The following AP3B2 variants were observed in gnomAD, a reference collection of about 807,000 sequenced individuals.
AP3B2 encodes AP-3 complex subunit beta-2.
A neutral mutation model predicts 126.9 loss-of-function variants in AP3B2; 50 were observed. That is an observed-to-expected ratio of 0.39 (90% CI 0.31 to 0.50). The LOEUF is 0.50. Ranked by LOEUF, AP3B2 falls within the 20% of genes least tolerant of loss-of-function variation. The pLI is 0.79. For missense variants in AP3B2, 1,177 were observed against 1,426.4 expected (o/e 0.83, Z 2.82); for synonymous variants, 541 against 565.0 (o/e 0.96, Z 0.60).
Position 82,709,608 on chromosome 15 carries a change from G to GGA in AP3B2, c.97_98dup (p.Ser34ProfsTer10). ...GGCTCCCTCACCGCTTGTAGTCGGAGGAGAAGATGCCGCCGCTCGCGGGGT... is the reference window on the plus strand; with the variant it reads ...GGCTCCCTCACCGCTTGTAGTCGGAGGAGAGAAGATGCCGCCGCTCGCGGGGT... On this transcript the variant is annotated frameshift_variant, in exon 1 of 27. Transcript: ENST00000535359. LOFTEE classifies it high-confidence loss of function. 6.6e-7 allele frequency: 1 copy of GGA among 1,512,314 alleles called. No individual in the cohort carries two copies. The highest frequency in any genetic ancestry group is 8.8e-7 in the Non-Finnish European group (1 of 1,131,798). 93.7% of individuals were successfully genotyped at this position (1,512,314 alleles called of 1,614,324 possible).
At chr15:82,663,402 G>A (rs770518772) in intron 21 of AP3B2, 158 bp downstream of exon 21, 2 of 1,011,210 alleles carry the variant, frequency 2.0e-6, no homozygotes, top group East Asian at 2.6e-5. Context: ...CAGACCTGGG[G>A]AGGTCAGCCC....
chr15:82,695,839 C>T (rs1396533003), intron 1 of AP3B2, among the ~76,000 whole-genome samples: 1 of 152,180 alleles, frequency 6.6e-6, no homozygotes, highest in African/African-American at 2.4e-5. Context: ...TCTTGTGGCA[C>T]TGAGCCCTTA....
In AP3B2 at chr15:82,664,476, TCTCAGA is replaced by T; in HGVS notation, c.2146_2151del (p.Glu719_Ser720del). The stretch of plus-strand genomic sequence containing the variant: ...CTGCTGCTCTTACTGTCCGATTCAC[TCTCAGA>T]CTCAGGGTCTGTGGAGGAACAATAT... On this transcript the variant is annotated inframe_deletion, in exon 19 of 27. Transcript: ENST00000535359. This position sits in a 1 kb window ranked among gnomAD's most constrained non-coding sequence, Gnocchi z 4.5. 1.2e-6 allele frequency: 2 copies of T among 1,613,566 alleles called. No individual in the cohort carries two copies. Among genetic ancestry groups the T allele is most frequent in the Non-Finnish European group, 1.7e-6 (2 of 1,179,746 alleles).
chr15:82,695,816 AAGCAGAG>A (rs756713831), intron 1 of AP3B2, among the ~76,000 whole-genome samples: 25 of 152,184 alleles, frequency 1.6e-4, no homozygotes, highest in Non-Finnish European at 3.2e-4. Flanking sequence ...TTGGCATCTG[AAGCAGAG>A]AGCAGTCTTG....
At chr15:82,682,829 G>A (rs967362081) in intron 4 of AP3B2, among the ~76,000 whole-genome samples, 1 of 151,682 alleles carries the variant, frequency 6.6e-6, no homozygotes, top group Non-Finnish European at 1.5e-5. Flanking sequence ...GCTTGTGCCT[G>A]TAATCCCAAC....
At chr15:82,671,954 G>T (rs950107483) in intron 14 of AP3B2, among the ~76,000 whole-genome samples, 2 of 152,042 alleles carry the variant, frequency 1.3e-5, no homozygotes, top group African/African-American at 2.4e-5. Context: ...TGAGGCAGGA[G>T]AATCGTTTGA....
chr15:82,698,981 G>A (rs1470348012), intron 1 of AP3B2, among the ~76,000 whole-genome samples: 1 of 152,110 alleles, frequency 6.6e-6, no homozygotes, highest in Non-Finnish European at 1.5e-5. Flanking sequence ...AGGTGAGACC[G>A]CCCTGGGCCT....
chr15:82,663,250 G>A lies in AP3B2; in HGVS notation c.2498-17C>T. 6.3e-7 allele frequency: 1 copy of A among 1,595,510 alleles called. No individual in the cohort carries two copies. The highest frequency in any genetic ancestry group is 8.6e-7 in the Non-Finnish European group (1 of 1,166,006). On this transcript the variant is annotated splice_polypyrimidine_tract_variant and intron_variant, in intron 21 of 26. Transcript: ENST00000535359. ...GAGGGGTGACTGTGGGAGTAGATAA[G>A]ACTATGAGGAGGCAAAGTGGAGGTG...
intron 1 of AP3B2, chr15:82,697,782 GA>G (rs1462462800): frequency 6.7e-6 from 1 of 148,280 alleles, no homozygotes; most frequent in Non-Finnish European, 1.5e-5. Context: ...CACCTGGGGG[GA>G]TGCCCCCCAA....
chr15:82,680,828 C>G lies in AP3B2; in HGVS notation c.771+9G>C, dbSNP rs780087125. Reference sequence around the variant, plus strand: ...TTCGGCCCGCTCTGCCTGGGCTGGGCCCACTTACGTTCTGGGTGGGGCTCA... The same window carrying G: ...TTCGGCCCGCTCTGCCTGGGCTGGGGCCACTTACGTTCTGGGTGGGGCTCA... On this transcript the variant is annotated intron_variant, in intron 7 of 26. Transcript: ENST00000535359. The surrounding 1 kb of genome is among the most constrained non-coding windows in gnomAD (Gnocchi z 6.1). 3.7e-6 allele frequency: 6 copies of G among 1,609,932 alleles called. No homozygotes were observed. The highest frequency in any genetic ancestry group is 5.1e-6 in the Non-Finnish European group (6 of 1,176,398).
chr15:82,694,801 T>C (rs947003128), intron 1 of AP3B2, among the ~76,000 whole-genome samples: 10 of 152,240 alleles, frequency 6.6e-5, no homozygotes, highest in Non-Finnish European at 1.5e-4. Flanking sequence ...GGTTGGTTTC[T>C]TCTATAGCCT....
At position 82,659,297 on chromosome 15, in the gene AP3B2, T is replaced by G; in HGVS notation, c.*263A>C. On this transcript the variant is annotated 3_prime_UTR_variant, in exon 27 of 27. Transcript: ENST00000535359. ...GCCAGCAGCTAGAGAGAAGACATTT[T>G]ATTGAGCCTGCTACATAAATAGCTA... 2.4e-6 allele frequency: 1 copy of G among 412,354 alleles called. No homozygotes were observed. Among genetic ancestry groups the G allele is most frequent in the Non-Finnish European group, 4.4e-6 (1 of 228,926 alleles). 25.5% of individuals were successfully genotyped at this position (412,354 alleles called of 1,614,324 possible).
chr15:82,665,212 C>T lies in AP3B2; in HGVS notation c.2028+35G>A. ...GGGAAGAAGAGGGACACAGACAGGG[C>T]AGGGGAGAGAGCACACGTCACACGA... On this transcript the variant is annotated intron_variant, in intron 17 of 26. Coordinates refer to ENST00000535359, the MANE Select transcript of AP3B2 (RefSeq NM_001278512.2). This position sits in a 1 kb window ranked among gnomAD's most constrained non-coding sequence, Gnocchi z 4.4. 3 of 1,530,890 alleles carry T rather than the reference C, an allele frequency of 2.0e-6. No homozygotes were observed. The highest frequency in any genetic ancestry group is 2.0e-5 in the Admixed American group (1 of 51,032). 94.8% of individuals were successfully genotyped at this position (1,530,890 alleles called of 1,614,324 possible).
Position 82,680,340 on chromosome 15 carries a change from G to C in AP3B2, c.1056-111C>G. 1 of 1,532,502 alleles carries C rather than the reference G, an allele frequency of 6.5e-7. No individual in the cohort carries two copies. The highest frequency in any genetic ancestry group is 8.8e-7 in the Non-Finnish European group (1 of 1,130,558). 94.9% of individuals were successfully genotyped at this position (1,532,502 alleles called of 1,614,324 possible). The stretch of plus-strand genomic sequence containing the variant: ...TGCGGGGAGAGGACCAGTGCGGAGG[G>C]CAGGACTACGGTCAGTGTGGAGCGG... On this transcript the variant is annotated intron_variant, in intron 8 of 26. Transcript: ENST00000535359. This position sits in a 1 kb window ranked among gnomAD's most constrained non-coding sequence, Gnocchi z 6.1.
chr15:82,665,159 T>A lies in AP3B2; in HGVS notation c.2028+88A>T. 7.0e-7 allele frequency: 1 copy of A among 1,418,992 alleles called. No individual in the cohort carries two copies. The highest frequency in any genetic ancestry group is 1.3e-5 in the South Asian group (1 of 79,776). 87.9% of individuals were successfully genotyped at this position (1,418,992 alleles called of 1,614,324 possible). A position where few individuals can be genotyped will look rare whatever the true frequency, so the allele number is the denominator to read the frequency against. Reference sequence around the variant, plus strand: ...GCCAAACCAAGGTGGAAACAGAGTATGGGAAGGCCCAGGAGCACAACACAC... The same window carrying A: ...GCCAAACCAAGGTGGAAACAGAGTAAGGGAAGGCCCAGGAGCACAACACAC... On this transcript the variant is annotated intron_variant, in intron 17 of 26. Transcript: ENST00000535359. This position sits in a 1 kb window ranked among gnomAD's most constrained non-coding sequence, Gnocchi z 4.4.
chr15:82,697,280 G>A (rs1025378795), intron 1 of AP3B2, among the ~76,000 whole-genome samples: 13 of 152,048 alleles, frequency 8.5e-5, no homozygotes, highest in Non-Finnish European at 1.6e-4. Flanking sequence ...CTTGCAGTGA[G>A]CCAAGATCGC....
At chr15:82,667,033 C>T in intron 14 of AP3B2, 100 bp from the exon 15 acceptor site, 2 of 1,248,856 alleles carry the variant, frequency 1.6e-6, no homozygotes, top group African/African-American at 1.5e-5. Flanking sequence ...CAGAACGTCT[C>T]CTCTCCCTGC....
Position 82,665,421 on chromosome 15 carries a change from A to ACACACACC in AP3B2, c.1971+35_1971+36insGGTGTGTG, listed in dbSNP as rs2048038185. 1 of 793,432 alleles carries ACACACACC rather than the reference A, an allele frequency of 1.3e-6. No individual in the cohort carries two copies. 49.1% of individuals were successfully genotyped at this position (793,432 alleles called of 1,614,324 possible). A position where few individuals can be genotyped will look rare whatever the true frequency, so the allele number is the denominator to read the frequency against. Reference sequence around the variant, plus strand: ...CACACACACACACACACACACACACACACACACACACACTTCAACCCTCCA... The same window carrying ACACACACC: ...CACACACACACACACACACACACACACACACACCCACACACACACACTTCAACCCTCCA... On this transcript the variant is annotated intron_variant, in intron 16 of 26. Coordinates refer to ENST00000535359, the MANE Select transcript of AP3B2 (RefSeq NM_001278512.2). The surrounding 1 kb of genome is among the most constrained non-coding windows in gnomAD (Gnocchi z 4.4).
At chr15:82,676,833 C>T (rs79741748) in intron 13 of AP3B2, among the ~76,000 whole-genome samples, 196 bp from the exon 14 acceptor site, 1 of 152,158 alleles carries the variant, frequency 6.6e-6, no homozygotes, top group African/African-American at 2.4e-5. Flanking sequence ...TTCCCCTCTT[C>T]CCTAGGGCTT....
Sources: gnomAD v4.1 joint callset for allele counts (sites outside exome capture counted in the v4.1 genomes callset) on GRCh38, gnomAD v4.1.1 for gene constraint, Gnocchi (gnomAD v3.1) non-coding constraint, MANE v1.5 for transcripts, NCBI Gene and HGNC (gene_info 2026-07-23, HGNC 2026-07-21) for gene names.